The following C7orf57 variants were observed in gnomAD, a reference collection of about 807,000 sequenced individuals.
C7orf57 encodes uncharacterized protein C7orf57.
In C7orf57, 33 loss-of-function variants were observed where a neutral mutation model predicts 39.0. The observed-to-expected ratio is 0.85, with a 90% confidence interval of 0.64 to 1.13. C7orf57 has a LOEUF of 1.13. Among genes scored for constraint, C7orf57 ranks in the 50% most tolerant of loss-of-function variants. The probability of loss-of-function intolerance (pLI) is 0.00; values close to 1 mark genes in which losing one functional copy is unlikely to be tolerated. For synonymous variants in C7orf57, 124 were observed against 137.1 expected (o/e 0.90, Z 0.67); for missense variants, 346 against 362.3 (o/e 0.95, Z 0.37).
At chr7:48,049,323 A>G (rs1258626518) in intron 5 of C7orf57, among the ~76,000 whole-genome samples, 1 of 152,122 alleles carries the variant, frequency 6.6e-6, no homozygotes, top group Non-Finnish European at 1.5e-5. Flanking sequence ...TGTGAAATCA[A>G]TGGAATCATA....
At chr7:48,055,562 ACTC>A (rs1244661948) in intron 8 of C7orf57, among the ~76,000 whole-genome samples, 2 of 152,122 alleles carry the variant, frequency 1.3e-5, no homozygotes, top group East Asian at 1.9e-4. Context: ...TTAAAACTTA[ACTC>A]CTCCTGTCTA....
intron 8 of C7orf57, among the ~76,000 whole-genome samples, chr7:48,054,978 G>A (rs2686794): frequency 0.42 from 63,193 of 151,880 alleles, 14,180 homozygotes; most frequent in Non-Finnish European, 0.49. Flanking sequence ...CCGGGTTCAC[G>A]CCATTCTCCC....
intron 7 of C7orf57, 200 bp downstream of exon 7, chr7:48,053,123 A>G (rs775520799): frequency 2.5e-5 from 17 of 687,958 alleles, no homozygotes; most frequent in South Asian, 2.4e-4. Flanking sequence ...ATTCAAATGA[A>G]TAGCGGAAGT....
chr7:48,035,628 C>T lies in C7orf57; in HGVS notation c.-104C>T. The T allele has an allele frequency of 5.8e-6, 4 of 683,886 alleles. No homozygotes were observed. The highest frequency in any genetic ancestry group is 1.1e-5 in the Non-Finnish European group (4 of 376,000). The allele number at this position is 683,886 out of a possible 1,614,324, so 42.4% of individuals were successfully genotyped here. On this transcript the variant is annotated splice_region_variant and 5_prime_UTR_variant, in exon 1 of 9. Transcript: ENST00000348904. The surrounding 1 kb of genome is among the most constrained non-coding windows in gnomAD (Gnocchi z 4.0). ...AGCACCCACGGAGACCCGCGGGGAG[C>T]TGGTGAGCCTGAGCGGGCTGGAGGA...
chr7:48,055,335 C>T (rs868660160), intron 8 of C7orf57, among the ~76,000 whole-genome samples: 158 of 148,730 alleles, frequency 1.1e-3, no homozygotes, highest in African/African-American at 3.7e-3. Context: ...TATTTTAAAT[C>T]GACAGATAAT....
At chr7:48,041,654 T>A (rs759339209) in intron 3 of C7orf57, 135 bp downstream of exon 3, 2 of 676,898 alleles carry the variant, frequency 3.0e-6, no homozygotes, top group Non-Finnish European at 4.7e-6. Flanking sequence ...AAAGCTAGGT[T>A]AATTAGGTGT....
At chr7:48,049,343 G>A (rs1276849100) in intron 5 of C7orf57, among the ~76,000 whole-genome samples, 1 of 152,050 alleles carries the variant, frequency 6.6e-6, no homozygotes, top group African/African-American at 2.4e-5. Context: ...ACGGCATGGC[G>A]TCTTTCCTGC....
rs932766913 is a variant in C7orf57 at position 48,040,201 on chromosome 7, C to A, written c.56-1133C>A. 2.0e-5 allele frequency among the ~76,000 whole-genome samples: 3 copies of A among 152,328 alleles called. No individual in the cohort carries two copies. The East Asian group carries it at 5.8e-4, about 29-fold the overall frequency. On this transcript the variant is annotated intron_variant, in intron 2 of 8. Transcript: ENST00000348904. ...TGTCCTGGATACCCTCAGCTCAAGG[C>A]CTTAGGGAGCCTCATGGCTTCACCA...
At chr7:48,043,033 G>A (rs536798319) in intron 3 of C7orf57, among the ~76,000 whole-genome samples, 1 of 152,286 alleles carries the variant, frequency 6.6e-6, no homozygotes, top group African/African-American at 2.4e-5. Flanking sequence ...AAATGGTAGG[G>A]GTGGGGTTAG....
rs1790760869 is a variant in C7orf57 at position 48,047,848 on chromosome 7, G to A, written c.507+1232G>A. On this transcript the variant is annotated intron_variant, in intron 5 of 8. Coordinates refer to ENST00000348904, the MANE Select transcript of C7orf57 (RefSeq NM_001100159.3). The stretch of plus-strand genomic sequence containing the variant: ...CTCCCGAGTAGCTAGGTCTACAGGT[G>A]CATACTACCGTAGACACTCAGCCAA... Among the ~76,000 whole-genome samples, 3 of 152,050 alleles carry A rather than the reference G, an allele frequency of 2.0e-5. No individual in the cohort carries two copies. The South Asian group carries it at 6.2e-4, about 32-fold the overall frequency.
rs189722267 is a variant in C7orf57 at position 48,051,791 on chromosome 7, T to C, written c.606-909T>C. ...CTTTCTTTCTTTCTTTCTTTCTTTC[T>C]TTCTTTCCTTCCTTCCTTTTCTCTT... On this transcript the variant is annotated intron_variant, in intron 6 of 8. Transcript: ENST00000348904. Among the ~76,000 whole-genome samples the C allele has an allele frequency of 2.3e-3, 196 of 86,950 alleles. 7 individuals carry two copies. Among genetic ancestry groups the C allele is most frequent in the Middle Eastern group, 8.6e-3 (1 of 116 alleles). The allele number at this position is 86,950 out of a possible 152,430, so 57.0% of individuals were successfully genotyped here.
intron 8 of C7orf57, among the ~76,000 whole-genome samples, chr7:48,057,326 T>G (rs749212069): frequency 6.6e-6 from 1 of 152,170 alleles, no homozygotes; most frequent in Non-Finnish European, 1.5e-5. Flanking sequence ...TAGTTTTCAG[T>G]GTACAGGTCT....
chr7:48,060,304 T>G lies in C7orf57; in HGVS notation c.*32T>G. The stretch of plus-strand genomic sequence containing the variant: ...ATGCAATATGTATTTAGGATAATTT[T>G]TAAATGGCTAAATATGACATGACTG... On this transcript the variant is annotated 3_prime_UTR_variant, in exon 9 of 9. Transcript: ENST00000348904. 7.1e-7 allele frequency: 1 copy of G among 1,404,510 alleles called. No individual in the cohort carries two copies. Among genetic ancestry groups the G allele is most frequent in the Non-Finnish European group, 9.7e-7 (1 of 1,027,466 alleles). The allele number at this position is 1,404,510 out of a possible 1,614,324, so 87.0% of individuals were successfully genotyped here.
intron 3 of C7orf57, 118 bp from the exon 4 acceptor site, chr7:48,043,363 G>A (rs1583805746): frequency 1.4e-6 from 1 of 721,510 alleles, no homozygotes; most frequent in South Asian, 1.8e-5. Context: ...CTGGATCCCA[G>A]AGGCAACTAC....
Position 48,049,886 on chromosome 7 carries a change from C to A in C7orf57, c.514C>A (p.Leu172Ile). Reference protein sequence around the residue: ...ELEKEKKKLRLPAIDSKYLSK... With the variant: ...ELEKEKKKLRIPAIDSKYLSK... ...TGTGTGTTTCCTCACACAGCTGAGG[C>A]TACCGGCCATTGACTCAAAGTATCT... is the stretch of plus-strand genomic sequence containing the variant. The change falls in exon 6 of 9, where the codon CTA becomes ATA. Residue 172 changes from leucine to isoleucine, a missense_variant. Leu to Ile is a conservative substitution (Grantham distance 5). Transcript: ENST00000348904. 1 of 1,613,548 alleles carries A rather than the reference C, an allele frequency of 6.2e-7. No homozygotes were observed. The highest frequency in any genetic ancestry group is 8.5e-7 in the Non-Finnish European group (1 of 1,179,610).
At chr7:48,051,764 T>TC (rs1790905290) in intron 6 of C7orf57, among the ~76,000 whole-genome samples, 1 of 45,946 alleles carries the variant, frequency 2.2e-5, no homozygotes, top group Non-Finnish European at 7.2e-5. Flanking sequence ...CTTTCTTTCT[T>TC]TCTTTCTTTC....
chr7:48,050,322 G>A (rs770397254), intron 6 of C7orf57, among the ~76,000 whole-genome samples: 2 of 152,200 alleles, frequency 1.3e-5, no homozygotes, highest in South Asian at 2.1e-4. Flanking sequence ...GCATGTAGGG[G>A]CCACCAGGTC....
intron 8 of C7orf57, among the ~76,000 whole-genome samples, chr7:48,057,054 G>A (rs538055761): frequency 6.9e-6 from 1 of 145,718 alleles, no homozygotes; most frequent in Non-Finnish European, 1.5e-5. Flanking sequence ...ATCAGATGAT[G>A]CCATATATCT....
At chr7:48,043,157 G>C (rs1171989340) in intron 3 of C7orf57, among the ~76,000 whole-genome samples, 1 of 152,142 alleles carries the variant, frequency 6.6e-6, no homozygotes, top group Non-Finnish European at 1.5e-5. Flanking sequence ...CCTGAGCAGT[G>C]GAGGGATGGG....
Sources: gnomAD v4.1 joint callset for allele counts (sites outside exome capture counted in the v4.1 genomes callset) on GRCh38, gnomAD v4.1.1 for gene constraint, Gnocchi (gnomAD v3.1) non-coding constraint, MANE v1.5 for transcripts, NCBI Gene and HGNC (gene_info 2026-07-23, HGNC 2026-07-21) for gene names.